Variants in OR10J1 observed in about 807,000 individuals in gnomAD.
OR10J1 encodes the protein olfactory receptor family 10 subfamily J member 1.
For synonymous variants in OR10J1, 202 were observed against 143.8 expected (o/e 1.40, Z -2.89); for missense variants, 474 against 376.6 (o/e 1.26, Z -2.14).
chr1:159,409,053 C>G, the OR10J1 span, among the ~76,000 whole-genome samples: 1 of 152,062 alleles, frequency 6.6e-6, no homozygotes, highest in East Asian at 1.9e-4. Flanking sequence ...CCGTCATGTA[C>G]TTCCTAGTAT....
chr1:159,403,118 A>G, the OR10J1 span, among the ~76,000 whole-genome samples: 1 of 152,158 alleles, frequency 6.6e-6, no homozygotes, highest in African/African-American at 2.4e-5. Flanking sequence ...ATCAAAATGG[A>G]TTAAAGACTT....
chr1:159,432,877 C>A (rs1655614054), upstream of OR10J1: 1 of 416,832 alleles, frequency 2.4e-6, no homozygotes, highest in Non-Finnish European at 4.3e-6. Flanking sequence ...TTGTCACCAC[C>A]ATCCTCAAGA....
At chr1:159,430,570 A>C in the OR10J1 span, among the ~76,000 whole-genome samples, 1 of 152,086 alleles carries the variant, frequency 6.6e-6, no homozygotes, top group Non-Finnish European at 1.5e-5. Context: ...ACCTTTCAAC[A>C]GGGATTGAAG....
the OR10J1 span, among the ~76,000 whole-genome samples, chr1:159,410,949 G>T: frequency 1.3e-5 from 2 of 151,788 alleles, no homozygotes; most frequent in Non-Finnish European, 2.9e-5. Context: ...CCTTCATTTC[G>T]TTATGTACCC....
the OR10J1 span, among the ~76,000 whole-genome samples, chr1:159,413,023 C>T: frequency 6.6e-6 from 1 of 152,104 alleles, no homozygotes; most frequent in Admixed American, 6.6e-5. Flanking sequence ...AAAAAGTGGG[C>T]AAAGGACGTG....
the OR10J1 span, among the ~76,000 whole-genome samples, chr1:159,402,055 A>G: frequency 5.8e-4 from 88 of 152,192 alleles, no homozygotes; most frequent in African/African-American, 2.1e-3. Context: ...TCCCTTCATG[A>G]TAAAACCCCT....
At chr1:159,398,178 C>T in the OR10J1 span, among the ~76,000 whole-genome samples, 13 of 152,216 alleles carry the variant, frequency 8.5e-5, no homozygotes, top group South Asian at 2.1e-4. Context: ...TCTGCAAGAA[C>T]GGCAGCATTA....
upstream of OR10J1, among the ~76,000 whole-genome samples, chr1:159,435,166 C>CT (rs1227867039): frequency 3.3e-5 from 5 of 152,174 alleles, no homozygotes; most frequent in Non-Finnish European, 7.3e-5. Context: ...AGATTTCACT[C>CT]CGAGTGTTCT....
At chr1:159,437,609 C>T (rs1005385599), upstream of OR10J1, among the ~76,000 whole-genome samples, 1 of 152,190 alleles carries the variant, frequency 6.6e-6, no homozygotes, top group Non-Finnish European at 1.5e-5. Context: ...GAAGCAAAAA[C>T]TTTCCCCAGG....
At chr1:159,420,188 C>T in the OR10J1 span, among the ~76,000 whole-genome samples, 2 of 151,962 alleles carry the variant, frequency 1.3e-5, no homozygotes, top group Non-Finnish European at 2.9e-5. Context: ...TTTTTCTATT[C>T]CCTTACTTTC....
the OR10J1 span, among the ~76,000 whole-genome samples, chr1:159,431,478 C>G: frequency 6.6e-6 from 1 of 152,188 alleles, no homozygotes; most frequent in African/African-American, 2.4e-5. Flanking sequence ...TTAGGTATGT[C>G]CCTTTGCACT....
the OR10J1 span, among the ~76,000 whole-genome samples, chr1:159,430,671 G>GCACA: frequency 0.012 from 1,816 of 149,788 alleles, 18 homozygotes; most frequent in Middle Eastern, 0.024. Flanking sequence ...GTGTGTGTGC[G>GCACA]CGCGCGCACA....
the OR10J1 span, among the ~76,000 whole-genome samples, chr1:159,430,909 A>G: frequency 1.3e-5 from 2 of 152,220 alleles, no homozygotes; most frequent in Non-Finnish European, 2.9e-5. Flanking sequence ...GACAAATGAA[A>G]CGAGCAAAGA....
the OR10J1 span, among the ~76,000 whole-genome samples, chr1:159,398,314 T>C: frequency 6.6e-6 from 1 of 152,220 alleles, no homozygotes; most frequent in South Asian, 2.1e-4. Flanking sequence ...TTACAATACA[T>C]ACATTACTCT....
the OR10J1 span, among the ~76,000 whole-genome samples, chr1:159,427,065 G>A: frequency 6.6e-6 from 1 of 151,792 alleles, no homozygotes; most frequent in Admixed American, 6.6e-5. Flanking sequence ...CTTGACTCCT[G>A]TATTAAGCTT....
the OR10J1 span, among the ~76,000 whole-genome samples, chr1:159,429,059 T>C: frequency 6.6e-6 from 1 of 152,138 alleles, no homozygotes; most frequent in Non-Finnish European, 1.5e-5. Context: ...GAAAGCAAGG[T>C]TGGGTCAGTT....
At chr1:159,439,684 G>T (rs1655846849), upstream of OR10J1, 2 of 1,359,428 alleles carry the variant, frequency 1.5e-6, no homozygotes, top group Admixed American at 3.7e-5. Context: ...CACCAGATTT[G>T]TAACTGAGAA....
rs775301911 is a variant in OR10J1 at position 159,440,697 on chromosome 1, G to A, written c.906G>A (p.Arg302=). The part of the protein sequence containing the change: ...RNKEVKDALC[R]AVGGKFS Reference sequence around the variant, plus strand: ...AAGAGGTCAAAGATGCTCTGTGCAGGGCTGTTGGTGGGAAGTTTTCCTGAC... The same window carrying A: ...AAGAGGTCAAAGATGCTCTGTGCAGAGCTGTTGGTGGGAAGTTTTCCTGAC... Residue 302 remains arginine, a synonymous_variant, in exon 1 of 1, where the codon AGG becomes AGA. Coordinates refer to ENST00000423932, the MANE Select transcript of OR10J1 (RefSeq NM_012351.3). 3 of 1,611,330 alleles carry A rather than the reference G, an allele frequency of 1.9e-6. No individual in the cohort carries two copies. The South Asian group carries it at 3.3e-5, about 18-fold the overall frequency.
At chr1:159,423,370 C>A in the OR10J1 span, among the ~76,000 whole-genome samples, 3 of 152,160 alleles carry the variant, frequency 2.0e-5, no homozygotes, top group Non-Finnish European at 2.9e-5. Context: ...TGAGGACAGG[C>A]ACTGATGATC....
Sources: gnomAD v4.1 joint callset for allele counts (sites outside exome capture counted in the v4.1 genomes callset) on GRCh38, gnomAD v4.1.1 for gene constraint, MANE v1.5 for transcripts, NCBI Gene and HGNC (gene_info 2026-07-23, HGNC 2026-07-21) for gene names.